KMT2C: variants seen among roughly 807,000 people sequenced by gnomAD.
The protein encoded by KMT2C is histone-lysine N-methyltransferase 2C.
Under a neutral mutation model 507.9 loss-of-function variants are expected in KMT2C, and 88 were observed. That is an observed-to-expected ratio of 0.17 (90% CI 0.15 to 0.21). The LOEUF (loss-of-function observed/expected upper bound fraction) is 0.21, where lower values mean the gene tolerates loss of function less well. KMT2C is among the 10% of genes least tolerant of loss of function. The probability of loss-of-function intolerance (pLI) is 1.00; values close to 1 mark genes in which losing one functional copy is unlikely to be tolerated. For missense variants in KMT2C, 4,954 were observed against 5,957.8 expected (o/e 0.83, Z 5.55); for synonymous variants, 2,049 against 2,080.8 (o/e 0.98, Z 0.42).
At chr7:152,180,578 T>G in intron 36 of KMT2C, 133 bp downstream of exon 36, 1 of 678,310 alleles carries the variant, frequency 1.5e-6, no homozygotes, top group Non-Finnish European at 2.4e-6. Context: ...CATTTTTCTT[T>G]TTTGCAGTAT....
At chr7:152,227,111 A>T (rs980166192) in intron 18 of KMT2C, among the ~76,000 whole-genome samples, 3 of 152,202 alleles carry the variant, frequency 2.0e-5, no homozygotes, top group African/African-American at 7.2e-5. Context: ...ACATCCACTC[A>T]TAACTGCTTA....
In KMT2C at chr7:152,144,599, C is replaced by G. The variant is rs190147548; in HGVS notation, c.14343+114G>C. 2,426 of 1,032,030 alleles carry G rather than the reference C, an allele frequency of 2.4e-3. 8 individuals carry two copies. The highest frequency in any genetic ancestry group is 3.0e-3 in the Non-Finnish European group (2,073 of 694,210). The allele number at this position is 1,032,030 out of a possible 1,614,324, so 63.9% of individuals were successfully genotyped here. ...AGGATTTGATACGATTTTGAAAACACGTTTCTGTCCCTGCAGCTATGTGAA... is the reference window on the plus strand; with the variant it reads ...AGGATTTGATACGATTTTGAAAACAGGTTTCTGTCCCTGCAGCTATGTGAA... On this transcript the variant is annotated intron_variant, in intron 55 of 58. Transcript: ENST00000262189. The surrounding 1 kb of genome is among the most constrained non-coding windows in gnomAD (Gnocchi z 4.4).
intron 1 of KMT2C, among the ~76,000 whole-genome samples, chr7:152,417,996 A>T (rs1323730680): frequency 6.7e-6 from 1 of 148,574 alleles, no homozygotes; most frequent in Non-Finnish European, 1.5e-5. Flanking sequence ...TCTGTCACCT[A>T]GGCTGGAGTG....
Position 152,235,845 on chromosome 7 carries a change from C to A in KMT2C, c.2741G>T (p.Ser914Ile). The A allele has an allele frequency of 1.2e-6, 2 of 1,610,256 alleles. No homozygotes were observed. The highest frequency in any genetic ancestry group is 1.7e-6 in the Non-Finnish European group (2 of 1,178,260). Residue 914 changes from serine (S) to isoleucine (I), a missense_variant, in exon 16 of 59, where the codon AGT (serine) becomes ATT (isoleucine). Coordinates refer to ENST00000262189, the MANE Select transcript of KMT2C (RefSeq NM_170606.3). ...AGGTAATACAACAGCTCCGATTCCA[C>A]TTTTCAGCTTTGACCTGCCTCGGCC... is the stretch of plus-strand genomic sequence containing the variant. ...RGGRGRSKLK[S>I]GIGAVVLPGV...
At chr7:152,216,640 TCA>T (rs1182529654) in intron 23 of KMT2C, among the ~76,000 whole-genome samples, 6 of 152,246 alleles carry the variant, frequency 3.9e-5, no homozygotes, top group African/African-American at 1.4e-4. Flanking sequence ...ATATACTCTT[TCA>T]TTATAATTTT....
At chr7:152,324,500 T>G (rs2129208107) in intron 3 of KMT2C, among the ~76,000 whole-genome samples, 1 of 151,936 alleles carries the variant, frequency 6.6e-6, no homozygotes, top group Admixed American at 6.5e-5. Flanking sequence ...TCATTTTAGA[T>G]AAAATGTATA....
intron 46 of KMT2C, among the ~76,000 whole-genome samples, chr7:152,155,335 T>C (rs962005147): frequency 1.3e-5 from 2 of 152,228 alleles, no homozygotes; most frequent in African/African-American, 4.8e-5. Flanking sequence ...AAAGAAGAGA[T>C]AATTATTTGA....
At chr7:152,205,540 A>G (rs2094283868) in intron 24 of KMT2C, among the ~76,000 whole-genome samples, 1 of 152,286 alleles carries the variant, frequency 6.6e-6, no homozygotes, top group Non-Finnish European at 1.5e-5. Context: ...GACAAATATT[A>G]GTGCCTCATA....
At chr7:152,363,618 T>G (rs1011476895) in intron 1 of KMT2C, among the ~76,000 whole-genome samples, 2 of 152,122 alleles carry the variant, frequency 1.3e-5, no homozygotes. Context: ...GGCTTTCTGC[T>G]TGGCATTAAT....
In KMT2C at chr7:152,435,745, C is replaced by T. The variant is rs1448929958; in HGVS notation, c.42G>A (p.Pro14=). 6.6e-7 allele frequency: 1 copy of T among 1,507,550 alleles called. No individual in the cohort carries two copies. The allele number at this position is 1,507,550 out of a possible 1,614,324, so 93.4% of individuals were successfully genotyped here. A position where few individuals can be genotyped will look rare whatever the true frequency, so the allele number is the denominator to read the frequency against. ...EEDKSVEQPQ[P]PPPPPEEPGA... is the part of the protein sequence containing the mutation. The stretch of plus-strand genomic sequence containing the variant: ...CAGGCTCCTCGGGGGGTGGTGGCGG[C>T]GGCTGCGGCTGCTCCACGCTCTTGT... The change falls in exon 1 of 59, where the codon CCG becomes CCA. Residue 14 remains proline (P), a synonymous_variant. Transcript: ENST00000262189.
rs924381304 is a variant in KMT2C at position 152,163,781 on chromosome 7, G to A, written c.9796C>T (p.Arg3266Trp). The A allele has an allele frequency of 9.9e-6, 16 of 1,614,016 alleles. No homozygotes were observed. The highest frequency in any genetic ancestry group is 5.0e-5 in the Admixed American group (3 of 60,002). ...GCACATTGCTGCTGCTGTTTGATCCGATAATCTTCAATCAATTCAGCATGT... is the reference window on the plus strand; with the variant it reads ...GCACATTGCTGCTGCTGTTTGATCCAATAATCTTCAATCAATTCAGCATGT... ...KEHAELIEDYRIKQQQQCAMA... is the reference protein window; with the variant it reads ...KEHAELIEDYWIKQQQQCAMA... Residue 3266 changes from arginine (R) to tryptophan (W), a missense_variant, in exon 43 of 59, where the codon CGG becomes TGG. Arg to Trp is a moderately radical substitution (Grantham distance 101). Coordinates refer to ENST00000262189, the MANE Select transcript of KMT2C (RefSeq NM_170606.3).
At chr7:152,279,282 C>CA (rs1156611162) in intron 6 of KMT2C, among the ~76,000 whole-genome samples, 5 of 151,914 alleles carry the variant, frequency 3.3e-5, no homozygotes, top group Non-Finnish European at 5.9e-5. Flanking sequence ...TAAGAAACAT[C>CA]AAAAAAATCT....
chr7:152,429,661 T>C (rs989325339), intron 1 of KMT2C, among the ~76,000 whole-genome samples: 1 of 151,592 alleles, frequency 6.6e-6, no homozygotes, highest in African/African-American at 2.4e-5. Context: ...ACTGGGACTA[T>C]AGGTGCCTGC....
chr7:152,155,631 A>G (rs1220529993), intron 46 of KMT2C, among the ~76,000 whole-genome samples: 1 of 152,180 alleles, frequency 6.6e-6, no homozygotes, highest in African/African-American at 2.4e-5. Context: ...CACTACCTTC[A>G]TGTCTATTAG....
At chr7:152,305,862 C>T (rs2096611633) in intron 6 of KMT2C, among the ~76,000 whole-genome samples, 1 of 152,146 alleles carries the variant, frequency 6.6e-6, no homozygotes, top group Non-Finnish European at 1.5e-5. Flanking sequence ...AACTACTTCT[C>T]AAGGAGCCCT....
intron 1 of KMT2C, among the ~76,000 whole-genome samples, chr7:152,379,253 G>C (rs2097351716): frequency 6.6e-6 from 1 of 152,088 alleles, no homozygotes; most frequent in Non-Finnish European, 1.5e-5. Flanking sequence ...AAAATACGTA[G>C]TTAAGGCCAG....
At position 152,233,529 on chromosome 7, in the gene KMT2C, CAG is replaced by C. The variant is rs547072377; in HGVS notation, c.2769+2286_2769+2287del. On this transcript the variant is annotated intron_variant, in intron 16 of 58. Coordinates refer to ENST00000262189, the MANE Select transcript of KMT2C (RefSeq NM_170606.3). ...AAGATGATAATAAAAATCAATAAAA[CAG>C]AAAGGGGAAAGAAAATAGACAAAAG... is the stretch of plus-strand genomic sequence containing the variant. Among the ~76,000 whole-genome samples the C allele has an allele frequency of 8.6e-5, 13 of 151,882 alleles. No homozygotes were observed. The South Asian group carries it at 2.7e-3, about 32-fold the overall frequency.
chr7:152,249,775 T>C (rs1177269464), intron 13 of KMT2C, 101 bp downstream of exon 13: 5 of 437,036 alleles, frequency 1.1e-5, no homozygotes, highest in Middle Eastern at 6.5e-4. Context: ...AAGATTTAGT[T>C]ACCGTAATGT....
intron 2 of KMT2C, among the ~76,000 whole-genome samples, chr7:152,334,804 A>T: frequency 6.6e-6 from 1 of 152,178 alleles, no homozygotes; most frequent in Non-Finnish European, 1.5e-5. Flanking sequence ...AATAATATGG[A>T]GCAAAAGACA....
Sources: allele counts gnomAD v4.1 joint callset (sites outside exome capture counted in the v4.1 genomes callset), GRCh38; gene constraint gnomAD v4.1.1; non-coding constraint Gnocchi (gnomAD v3.1); transcripts MANE v1.5; gene names NCBI Gene and HGNC (gene_info 2026-07-23, HGNC 2026-07-21).